The following DENND1B variants were observed in gnomAD, a reference collection of about 807,000 sequenced individuals.
DENND1B encodes DENN domain containing 1B.
Under a neutral mutation model 90.1 loss-of-function variants are expected in DENND1B, and 59 were observed. The observed-to-expected ratio is 0.65, with a 90% CI of 0.53 to 0.81. The LOEUF (loss-of-function observed/expected upper bound fraction) is 0.81. DENND1B is among the 40% of genes least tolerant of loss of function. The pLI is 0.00. For synonymous variants in DENND1B, 337 were observed against 324.6 expected (o/e 1.04, Z -0.41); for missense variants, 862 against 912.6 (o/e 0.94, Z 0.71).
intron 20 of DENND1B, among the ~76,000 whole-genome samples, chr1:197,523,965 C>T (rs1240374458): frequency 6.6e-6 from 1 of 150,430 alleles, no homozygotes; most frequent in African/African-American, 2.4e-5. Context: ...TTTTTTAAGT[C>T]AAGTGATAAA....
At chr1:197,627,310 T>C (rs938608062) in intron 10 of DENND1B, among the ~76,000 whole-genome samples, 8 of 152,148 alleles carry the variant, frequency 5.3e-5, no homozygotes, top group South Asian at 2.1e-4. Context: ...TCCAGCAGCA[T>C]ATCAAAAAGC....
chr1:197,622,981 T>C (rs540020845), intron 10 of DENND1B, among the ~76,000 whole-genome samples: 3 of 151,286 alleles, frequency 2.0e-5, no homozygotes, highest in South Asian at 2.1e-4. Flanking sequence ...CTATGAAAAA[T>C]AGCACAATTT....
chr1:197,633,158 A>G (rs1679483034), intron 10 of DENND1B, among the ~76,000 whole-genome samples: 1 of 152,234 alleles, frequency 6.6e-6, no homozygotes, highest in South Asian at 2.1e-4. Flanking sequence ...AGTTACATAA[A>G]CAAGGGCTTC....
intron 15 of DENND1B, among the ~76,000 whole-genome samples, chr1:197,576,102 A>G (rs1014211356): frequency 1.3e-5 from 2 of 152,158 alleles, no homozygotes; most frequent in East Asian, 1.9e-4. Flanking sequence ...ACAGAAAAAG[A>G]AAAAGAAAAA....
chr1:197,747,572 T>TA (rs886261320), intron 2 of DENND1B: 57 of 177,082 alleles, frequency 3.2e-4, no homozygotes, highest in East Asian at 7.8e-4. Flanking sequence ...CACATGCTGT[T>TA]AAAAAAAAAT....
intron 14 of DENND1B, among the ~76,000 whole-genome samples, chr1:197,593,437 A>C (rs1007615097): frequency 6.6e-6 from 1 of 151,892 alleles, no homozygotes; most frequent in Non-Finnish European, 1.5e-5. Context: ...TAAACAAATA[A>C]ATTTATAACA....
intron 14 of DENND1B, among the ~76,000 whole-genome samples, chr1:197,584,718 T>G (rs1674543488): frequency 6.6e-6 from 1 of 151,996 alleles, no homozygotes; most frequent in Non-Finnish European, 1.5e-5. Flanking sequence ...GCCATGCAGG[T>G]AGGATTATAG....
intron 10 of DENND1B, among the ~76,000 whole-genome samples, chr1:197,639,124 C>T (rs1036951130): frequency 2.7e-5 from 4 of 150,676 alleles, no homozygotes; most frequent in African/African-American, 4.9e-5. Context: ...AGTGCAATGG[C>T]GTGATCTCGG....
chr1:197,552,816 A>C, intron 16 of DENND1B: 1 of 1,325,484 alleles, frequency 7.5e-7, no homozygotes, highest in Non-Finnish European at 9.6e-7. Context: ...CCAATTCAGG[A>C]GGCCAACTTA....
intron 20 of DENND1B, among the ~76,000 whole-genome samples, chr1:197,537,223 TAAAC>T (rs1669978331): frequency 6.6e-6 from 1 of 152,198 alleles, no homozygotes. Context: ...ATCACAATTC[TAAAC>T]ATGTATGTTT....
chr1:197,563,775 C>T (rs1031646438), intron 15 of DENND1B, among the ~76,000 whole-genome samples: 2 of 151,840 alleles, frequency 1.3e-5, no homozygotes, highest in African/African-American at 4.8e-5. Flanking sequence ...AAATTGAAAA[C>T]CTTCTGGAAA....
chr1:197,554,211 T>A (rs1029059340), intron 15 of DENND1B, among the ~76,000 whole-genome samples: 1 of 151,948 alleles, frequency 6.6e-6, no homozygotes, highest in Non-Finnish European at 1.5e-5. Flanking sequence ...GAATTTGATA[T>A]GTTGTGGTTT....
At chr1:197,524,177 T>G (rs1668980022) in intron 20 of DENND1B, among the ~76,000 whole-genome samples, 1 of 152,116 alleles carries the variant, frequency 6.6e-6, no homozygotes, top group Non-Finnish European at 1.5e-5. Context: ...TGAGGGATAT[T>G]AGAAACCAGT....
At chr1:197,774,067 T>A (rs2102524699) in intron 1 of DENND1B, among the ~76,000 whole-genome samples, 1 of 152,382 alleles carries the variant, frequency 6.6e-6, no homozygotes, top group African/African-American at 2.4e-5. Context: ...CTTTCCGCTA[T>A]TAACTTGTTT....
chr1:197,619,629 C>G lies in DENND1B; in HGVS notation c.673-1870G>C, dbSNP rs76994773. On this transcript the variant is annotated intron_variant, in intron 10 of 22. Coordinates refer to ENST00000620048, the MANE Select transcript of DENND1B (RefSeq NM_001195215.2). The stretch of plus-strand genomic sequence containing the variant: ...GTGAGGTATTATATTTAATACCTCA[C>G]TTTATTTCACTGGGCAATTTATTTC... Among the ~76,000 whole-genome samples, 629 of 151,262 alleles carry G rather than the reference C, an allele frequency of 4.2e-3. 11 individuals carry two copies. The highest frequency in any genetic ancestry group is 0.03 in the East Asian group (154 of 5,110).
intron 3 of DENND1B, among the ~76,000 whole-genome samples, chr1:197,706,545 A>G (rs1235408316): frequency 6.6e-6 from 1 of 152,236 alleles, no homozygotes; most frequent in Admixed American, 6.5e-5. Context: ...ACAAATTATT[A>G]AGATCCAGAA....
intron 2 of DENND1B, among the ~76,000 whole-genome samples, chr1:197,767,876 A>G (rs1470358920): frequency 6.6e-6 from 1 of 152,178 alleles, no homozygotes; most frequent in Non-Finnish European, 1.5e-5. Flanking sequence ...ATTTCCTCGC[A>G]TGATAAAACC....
At chr1:197,679,481 T>C (rs1334751632) in intron 3 of DENND1B, among the ~76,000 whole-genome samples, 5 of 151,798 alleles carry the variant, frequency 3.3e-5, no homozygotes, top group Admixed American at 6.6e-5. Context: ...AGGATGTGCA[T>C]AGTTACATGC....
At position 197,763,060 on chromosome 1, in the gene DENND1B, C is replaced by G. The variant is rs963469822; in HGVS notation, c.82+9808G>C. 2.0e-5 allele frequency among the ~76,000 whole-genome samples: 3 copies of G among 152,172 alleles called. No individual in the cohort carries two copies. The South Asian group carries it at 6.2e-4, about 32-fold the overall frequency. On this transcript the variant is annotated intron_variant, in intron 2 of 22. Transcript: ENST00000620048. ...TGGCGGTGGCTCACACCTGTAATCCCAGCACTTTGGGAGGCCAAGGCAGGA... is the reference window on the plus strand; with the variant it reads ...TGGCGGTGGCTCACACCTGTAATCCGAGCACTTTGGGAGGCCAAGGCAGGA...
Sources: allele counts gnomAD v4.1 joint callset (sites outside exome capture counted in the v4.1 genomes callset), GRCh38; gene constraint gnomAD v4.1.1; transcripts MANE v1.5; gene names NCBI Gene and HGNC (gene_info 2026-07-23, HGNC 2026-07-21).